The following ARHGEF28 variants were observed in gnomAD, a reference collection of about 807,000 sequenced individuals.
ARHGEF28 encodes 190 kDa guanine nucleotide exchange factor.
A neutral mutation model predicts 206.6 loss-of-function variants in ARHGEF28; 152 were observed. That is an observed-to-expected ratio of 0.74 (90% confidence interval 0.64 to 0.84). The LOEUF is 0.84. Among genes scored for constraint, ARHGEF28 ranks in the 40% least tolerant of loss-of-function variants. The pLI, the probability that ARHGEF28 is intolerant of heterozygous loss-of-function variation, is 0.00. For missense variants in ARHGEF28, 2,028 were observed against 2,073.2 expected (o/e 0.98, Z 0.42); for synonymous variants, 763 against 776.4 (o/e 0.98, Z 0.29).
At chr5:73,920,171 A>G (rs571847935) in intron 35 of ARHGEF28, among the ~76,000 whole-genome samples, 9 of 152,372 alleles carry the variant, frequency 5.9e-5, no homozygotes, top group Non-Finnish European at 8.8e-5. Context: ...CAGGCAGGAT[A>G]GATGAGTGTC....
intron 33 of ARHGEF28, chr5:73,908,995 A>G (rs538256051): frequency 4.5e-4 from 70 of 156,776 alleles, no homozygotes; most frequent in South Asian, 8.1e-4. Context: ...GTTTATGTGG[A>G]TTCTTAAGTT....
Position 73,776,626 on chromosome 5 carries a change from C to G in ARHGEF28, c.770C>G (p.Ala257Gly), listed in dbSNP as rs865941005. The part of the protein sequence containing the change: ...ETLTLTLNHT[A>G]EHLLEADIKL... ...CTGACCCTGACCCTGAACCACACAG[C>G]CGAGCATTTGTTGGAGGCAGATATT... The change falls in exon 6 of 36, where the codon GCC becomes GGC. Residue 257 changes from alanine (A) to glycine (G), a missense_variant. By Grantham distance (60) the Ala-to-Gly change is moderately conservative. This residue lies in a region of ARHGEF28 where 1,002 missense variants were observed against 1,015.3 expected (regional missense o/e 0.99). Coordinates refer to ENST00000513042, the MANE Select transcript of ARHGEF28 (RefSeq NM_001177693.2). The G allele has an allele frequency of 1.1e-5, 17 of 1,613,870 alleles. No individual in the cohort carries two copies. The highest frequency in any genetic ancestry group is 1.4e-5 in the Non-Finnish European group (17 of 1,179,768).
At chr5:73,737,471 T>TCTTTTC (rs1751034102) in intron 2 of ARHGEF28, among the ~76,000 whole-genome samples, 1 of 97,908 alleles carries the variant, frequency 1.0e-5, no homozygotes, top group Non-Finnish European at 1.9e-5. Context: ...TCTTTTCTTT[T>TCTTTTC]CTTTTCTTTT....
chr5:73,934,577 A>AGTC (rs1764312500), intron 35 of ARHGEF28, among the ~76,000 whole-genome samples: 1 of 152,204 alleles, frequency 6.6e-6, no homozygotes, highest in African/African-American at 2.4e-5. Flanking sequence ...TTGTTCTGGC[A>AGTC]TCTTGACCAT....
chr5:73,849,779 C>T (rs1758586389), intron 13 of ARHGEF28, among the ~76,000 whole-genome samples: 1 of 151,994 alleles, frequency 6.6e-6, no homozygotes, highest in South Asian at 2.1e-4. Context: ...CTCCCATTTT[C>T]ACCTGCCCCC....
chr5:73,627,584 T>A (rs971270388), intron 1 of ARHGEF28, among the ~76,000 whole-genome samples: 10 of 152,240 alleles, frequency 6.6e-5, no homozygotes, highest in Non-Finnish European at 1.5e-4. Flanking sequence ...GGTATTTGCC[T>A]AATCTTGATT....
chr5:73,836,795 T>G (rs1219156185), intron 10 of ARHGEF28, among the ~76,000 whole-genome samples: 1 of 152,144 alleles, frequency 6.6e-6, no homozygotes, highest in Non-Finnish European at 1.5e-5. Context: ...GGTCTCAGGT[T>G]TTATGTTAAA....
In ARHGEF28 at chr5:73,894,489, T is replaced by C; in HGVS notation, c.3755T>C (p.Val1252Ala). 1 of 1,613,954 alleles carries C rather than the reference T, an allele frequency of 6.2e-7. No individual in the cohort carries two copies. The highest frequency in any genetic ancestry group is 1.6e-4 in the Middle Eastern group (1 of 6,062). The change falls in exon 29 of 36, where the codon GTC (valine) becomes GCC (alanine). Residue 1252 changes from valine to alanine, a missense_variant. By Grantham distance (64) the Val-to-Ala change is moderately conservative. Transcript: ENST00000513042. ...GGAGAACTGAGCGGATTTGAGGACGTCCATCTAGAGCCCCACCTCCTTATT... is the reference window on the plus strand; with the variant it reads ...GGAGAACTGAGCGGATTTGAGGACGCCCATCTAGAGCCCCACCTCCTTATT... ...ELGELSGFED[V>A]HLEPHLLIKP... is the part of the protein sequence containing the mutation.
intron 11 of ARHGEF28, among the ~76,000 whole-genome samples, chr5:73,845,049 G>C (rs1481466843): frequency 1.0e-5 from 1 of 97,854 alleles, no homozygotes; most frequent in Non-Finnish European, 1.9e-5. Flanking sequence ...ACGGAGTCTT[G>C]CTCTTTTGCC....
intron 2 of ARHGEF28, among the ~76,000 whole-genome samples, chr5:73,725,226 G>T (rs999839989): frequency 5.9e-5 from 9 of 152,152 alleles, no homozygotes; most frequent in Admixed American, 5.9e-4. Flanking sequence ...AATGATAGGA[G>T]TATCATAAAC....
intron 10 of ARHGEF28, among the ~76,000 whole-genome samples, chr5:73,838,121 A>G (rs1402890772): frequency 6.6e-6 from 1 of 152,226 alleles, no homozygotes; most frequent in East Asian, 1.9e-4. Context: ...AAAAAAGTGA[A>G]GCATGCATTT....
intron 35 of ARHGEF28, among the ~76,000 whole-genome samples, chr5:73,918,226 C>T (rs1440439132): frequency 6.6e-6 from 1 of 152,172 alleles, no homozygotes; most frequent in Non-Finnish European, 1.5e-5. Context: ...TTTTGCAAGC[C>T]ATCGGATCTT....
intron 9 of ARHGEF28, among the ~76,000 whole-genome samples, chr5:73,830,303 C>T (rs926730306): frequency 6.6e-5 from 10 of 152,108 alleles, no homozygotes; most frequent in African/African-American, 1.9e-4. Context: ...CCTGTAATCC[C>T]AGCACTTTGG....
chr5:73,696,616 A>G (rs1331290411), intron 2 of ARHGEF28, among the ~76,000 whole-genome samples: 1 of 152,196 alleles, frequency 6.6e-6, no homozygotes. Flanking sequence ...GTCTTTATAA[A>G]CGAATATTCA....
Position 73,779,346 on chromosome 5 carries a change from G to A in ARHGEF28, c.841-1330G>A, listed in dbSNP as rs1421715037. ...TGCTGATAATTTCACTCCACAGCTT[G>A]GCTAAAATTAATAAGCAGCTAGGAA... On this transcript the variant is annotated intron_variant, in intron 6 of 35. Transcript: ENST00000513042. 2.6e-5 allele frequency among the ~76,000 whole-genome samples: 4 copies of A among 152,250 alleles called. No homozygotes were observed. The East Asian group carries it at 7.7e-4, about 29-fold the overall frequency.
At chr5:73,655,597 AATTC>A (rs1247657686) in intron 1 of ARHGEF28, among the ~76,000 whole-genome samples, 1 of 152,144 alleles carries the variant, frequency 6.6e-6, no homozygotes, top group East Asian at 1.9e-4. Flanking sequence ...TATACACACT[AATTC>A]ATTAACCCTC....
At chr5:73,918,505 C>G (rs1254145771) in intron 35 of ARHGEF28, among the ~76,000 whole-genome samples, 1 of 152,224 alleles carries the variant, frequency 6.6e-6, no homozygotes, top group African/African-American at 2.4e-5. Flanking sequence ...GATTTGAATT[C>G]ATGATCTCAT....
intron 22 of ARHGEF28, among the ~76,000 whole-genome samples, chr5:73,880,669 A>T (rs1452753937): frequency 6.6e-6 from 1 of 152,212 alleles, no homozygotes; most frequent in Non-Finnish European, 1.5e-5. Context: ...ATGGTGGCTC[A>T]CGCCTGTAAG....
intron 2 of ARHGEF28, among the ~76,000 whole-genome samples, chr5:73,704,717 A>T (rs1748826729): frequency 6.6e-6 from 1 of 151,978 alleles, no homozygotes; most frequent in Non-Finnish European, 1.5e-5. Context: ...GAGCCACCAC[A>T]CCCGCCCATT....
Sources: allele counts gnomAD v4.1 joint callset (sites outside exome capture counted in the v4.1 genomes callset), GRCh38; gene constraint gnomAD v4.1.1; regional missense constraint gnomAD v4.1.1; transcripts MANE v1.5; gene names NCBI Gene and HGNC (gene_info 2026-07-23, HGNC 2026-07-21).